BAIAP2: variants seen among roughly 807,000 people sequenced by gnomAD.
The protein encoded by BAIAP2 is BAR/IMD domain-containing adapter protein 2.
In BAIAP2, 18 loss-of-function variants were observed where a neutral mutation model predicts 63.0. That is an observed-to-expected ratio of 0.29 (90% CI 0.20 to 0.42). BAIAP2 has a LOEUF of 0.42. BAIAP2 is among the 10% of genes least tolerant of loss of function. BAIAP2 has a pLI of 1.00. For synonymous variants in BAIAP2, 386 were observed against 307.6 expected (o/e 1.25, Z -2.67); for missense variants, 610 against 734.3 (o/e 0.83, Z 1.96).
At position 81,116,456 on chromosome 17, in the gene BAIAP2, C is replaced by T. The variant is rs557282458; in HGVS notation, c.*617C>T. ...GGGCCTCCCCAGGCCCCTCCTGCCT[C>T]GGGCAGGCCCCAGCCCTCCTCCTTA... On this transcript the variant is annotated 3_prime_UTR_variant, in exon 14 of 14. Coordinates refer to ENST00000428708, the MANE Select transcript of BAIAP2 (RefSeq NM_001144888.2). 8.0e-6 allele frequency: 8 copies of T among 995,294 alleles called. No homozygotes were observed. The highest frequency in any genetic ancestry group is 5.4e-5 in the East Asian group (2 of 37,268). 61.7% of individuals were successfully genotyped at this position (995,294 alleles called of 1,614,324 possible).
chr17:81,036,709 A>G (rs1448812469), intron 1 of BAIAP2, among the ~76,000 whole-genome samples: 1 of 152,216 alleles, frequency 6.6e-6, no homozygotes, highest in East Asian at 1.9e-4. Flanking sequence ...CGGCTTGGGA[A>G]AGGCACAGGC....
rs750334223 is a variant in BAIAP2 at position 81,085,416 on chromosome 17, T to C, written c.280-238T>C. 655 of 666,842 alleles carry C rather than the reference T, an allele frequency of 9.8e-4. 1 individual carries two copies. The highest frequency in any genetic ancestry group is 9.6e-4 in the Non-Finnish European group (348 of 362,944). The allele number at this position is 666,842 out of a possible 1,614,324, so 41.3% of individuals were successfully genotyped here. A position where few individuals can be genotyped will look rare whatever the true frequency, so the allele number is the denominator to read the frequency against. On this transcript the variant is annotated intron_variant, in intron 4 of 13. Coordinates refer to ENST00000428708, the MANE Select transcript of BAIAP2 (RefSeq NM_001144888.2). ...AGGGGATGGCCGTTTGTTTCCCTTGTGGCTGTTTGGAGGCGAGATTGTCCG... is the reference window on the plus strand; with the variant it reads ...AGGGGATGGCCGTTTGTTTCCCTTGCGGCTGTTTGGAGGCGAGATTGTCCG...
chr17:81,061,445 C>G (rs939712404), intron 3 of BAIAP2, among the ~76,000 whole-genome samples: 7 of 152,194 alleles, frequency 4.6e-5, no homozygotes, highest in African/African-American at 1.7e-4. Flanking sequence ...CTCCCCATCT[C>G]CAGGCAACCA....
At chr17:81,059,055 A>C (rs1357662446) in intron 3 of BAIAP2, among the ~76,000 whole-genome samples, 2 of 151,996 alleles carry the variant, frequency 1.3e-5, no homozygotes, top group African/African-American at 4.8e-5. Flanking sequence ...CAGTTCACTC[A>C]CGACGTCCTG....
At chr17:81,047,850 A>G (rs1348710218) in intron 1 of BAIAP2, among the ~76,000 whole-genome samples, 5 of 152,260 alleles carry the variant, frequency 3.3e-5, no homozygotes, top group Admixed American at 3.3e-4. Flanking sequence ...GTACATGCAC[A>G]GGTAAACGCA....
chr17:81,107,228 C>G (rs2059291864), intron 12 of BAIAP2: 1 of 317,640 alleles, frequency 3.1e-6, no homozygotes, highest in Admixed American at 4.6e-5. Context: ...AAGTGGCTGG[C>G]CTAGAGGTGG....
intron 1 of BAIAP2, among the ~76,000 whole-genome samples, chr17:81,038,900 TGGGG>T (rs886695516): frequency 3.3e-3 from 26 of 7,872 alleles, no homozygotes; most frequent in Admixed American, 5.9e-3. Flanking sequence ...CCTTCCTGGG[TGGGG>T]GGGGCAGCAG....
Position 81,116,027 on chromosome 17 carries a change from G to A in BAIAP2, c.*188G>A, listed in dbSNP as rs1251115052. On this transcript the variant is annotated 3_prime_UTR_variant, in exon 14 of 14. Coordinates refer to ENST00000428708, the MANE Select transcript of BAIAP2 (RefSeq NM_001144888.2). ...GCAGGGCCGGGCAGAGTGGGGCGCA[G>A]GCCCCTGAAGGGCGAGACCCAGTGG... The A allele has an allele frequency of 1.3e-5, 19 of 1,457,018 alleles. No homozygotes were observed. Among genetic ancestry groups the A allele is most frequent in the Non-Finnish European group, 1.6e-5 (18 of 1,108,062 alleles). The allele number at this position is 1,457,018 out of a possible 1,614,324, so 90.3% of individuals were successfully genotyped here.
chr17:81,036,722 TG>T, intron 1 of BAIAP2: 1 of 708,262 alleles, frequency 1.4e-6, no homozygotes, highest in Non-Finnish European at 2.4e-6. Context: ...GCACAGGCCC[TG>T]GGGTTGTTAG....
At chr17:81,062,977 C>G (rs1436271604) in intron 3 of BAIAP2, among the ~76,000 whole-genome samples, 2 of 123,458 alleles carry the variant, frequency 1.6e-5, no homozygotes, top group Admixed American at 1.1e-4. Flanking sequence ...TTAGGAATTT[C>G]CTGCCGATAT....
In BAIAP2 at chr17:81,110,973, C is replaced by T. The variant is rs200358740; in HGVS notation, c.1535+2464C>T. On this transcript the variant is annotated intron_variant, in intron 13 of 13. Coordinates refer to ENST00000428708, the MANE Select transcript of BAIAP2 (RefSeq NM_001144888.2). Reference sequence around the variant, plus strand: ...TGACTAGAGTTAGTAAGTTGCCTGGCGTTCTCGTGCAGTCACTGGCCTCTC... The same window carrying T: ...TGACTAGAGTTAGTAAGTTGCCTGGTGTTCTCGTGCAGTCACTGGCCTCTC... 14 of 1,613,728 alleles carry T rather than the reference C, an allele frequency of 8.7e-6. No homozygotes were observed. The East Asian group carries it at 1.6e-4, about 18-fold the overall frequency.
intron 3 of BAIAP2, among the ~76,000 whole-genome samples, chr17:81,081,522 G>A (rs746804399): frequency 2.0e-5 from 3 of 152,290 alleles, no homozygotes; most frequent in African/African-American, 7.2e-5. Context: ...GCTGCTGGCC[G>A]TGCTCCCGTC....
At position 81,103,859 on chromosome 17, in the gene BAIAP2, G is replaced by GC. The variant is rs752448517; in HGVS notation, c.865-45dup. The GC allele has an allele frequency of 3.4e-5, 54 of 1,606,414 alleles. No homozygotes were observed. The Admixed American group carries it at 8.7e-4, about 26-fold the overall frequency. On this transcript the variant is annotated intron_variant, in intron 8 of 13. Transcript: ENST00000428708. Reference sequence around the variant, plus strand: ...GAGGGTTCTCTTTCCCCCTGGTCTTGCCCGGGGTGGGCTCCAGCAACAGCC... The same window carrying GC: ...GAGGGTTCTCTTTCCCCCTGGTCTTGCCCCGGGGTGGGCTCCAGCAACAGCC...
chr17:81,051,379 C>A (rs1338315714), intron 1 of BAIAP2, among the ~76,000 whole-genome samples: 1 of 152,116 alleles, frequency 6.6e-6, no homozygotes, highest in African/African-American at 2.4e-5. Context: ...GGGATCTTCT[C>A]TTTTGTTTGT....
chr17:81,102,872 G>A (rs1443550458), intron 7 of BAIAP2, among the ~76,000 whole-genome samples: 1 of 152,238 alleles, frequency 6.6e-6, no homozygotes, highest in East Asian at 1.9e-4. Flanking sequence ...AGGGGCAGGG[G>A]TTACTTGATT....
chr17:81,113,324 G>A (rs1037760217), intron 13 of BAIAP2, among the ~76,000 whole-genome samples: 1 of 152,230 alleles, frequency 6.6e-6, no homozygotes, highest in Non-Finnish European at 1.5e-5. Context: ...CGCTGCCCAG[G>A]GCCATGTCCT....
chr17:81,096,796 G>A (rs960120504), intron 6 of BAIAP2, among the ~76,000 whole-genome samples: 4 of 152,270 alleles, frequency 2.6e-5, no homozygotes, highest in African/African-American at 9.6e-5. Flanking sequence ...CCTGAATCTG[G>A]CTGTCGCACT....
chr17:81,112,995 C>G (rs572578640), intron 13 of BAIAP2, among the ~76,000 whole-genome samples: 1 of 152,190 alleles, frequency 6.6e-6, no homozygotes, highest in Non-Finnish European at 1.5e-5. Context: ...GTGGAGGTTG[C>G]AGTGAGCTAC....
Position 81,057,972 on chromosome 17 carries a change from G to GGGGCCCCCCCC in BAIAP2, c.217+5_217+6insGGGCCCCCCCC. The GGGGCCCCCCCC allele has an allele frequency of 1.1e-6, 1 of 911,328 alleles. No individual in the cohort carries two copies. The highest frequency in any genetic ancestry group is 1.5e-6 in the Non-Finnish European group (1 of 674,554). 56.5% of individuals were successfully genotyped at this position (911,328 alleles called of 1,614,324 possible). On this transcript the variant is annotated splice_donor_region_variant and intron_variant, in intron 3 of 13. Coordinates refer to ENST00000428708, the MANE Select transcript of BAIAP2 (RefSeq NM_001144888.2). ...GCCAGGGCTCCAAAGAACTCGGTGA[G>GGGGCCCCCCCC]ACCCCCCCCCCCCCCCCGCCTGGTA... is the stretch of plus-strand genomic sequence containing the variant.
Sources: allele counts gnomAD v4.1 joint callset (sites outside exome capture counted in the v4.1 genomes callset), GRCh38; gene constraint gnomAD v4.1.1; transcripts MANE v1.5; gene names NCBI Gene and HGNC (gene_info 2026-07-23, HGNC 2026-07-21).